TENT5C: variants seen among roughly 807,000 people sequenced by gnomAD.
The protein encoded by TENT5C is family with sequence similarity 46 member C.
TENT5C carries 5 observed loss-of-function variants against 22.2 expected under a neutral mutation model. The observed-to-expected ratio is 0.22, with a 90% confidence interval of 0.12 to 0.47. The LOEUF is 0.47. Among genes scored for constraint, TENT5C ranks in the 20% least tolerant of loss-of-function variants. The pLI is 0.99. For synonymous variants in TENT5C, 199 were observed against 195.4 expected (o/e 1.02, Z -0.15); for missense variants, 364 against 500.9 (o/e 0.73, Z 2.61).
At chr1:117,606,678 T>G (rs750387477) in intron 1 of TENT5C, among the ~76,000 whole-genome samples, 51 of 152,086 alleles carry the variant, frequency 3.4e-4, no homozygotes, top group Non-Finnish European at 5.3e-4. Context: ...GCGGTTTCAC[T>G]AGGCGCAGCT....
chr1:117,622,243 G>T (rs1439536538), intron 1 of TENT5C, among the ~76,000 whole-genome samples: 3 of 152,210 alleles, frequency 2.0e-5, no homozygotes, highest in Admixed American at 6.5e-5. Context: ...TAGTAGAAGG[G>T]GATGGATTCC....
Position 117,628,067 on chromosome 1 carries a change from AAACTC to A in TENT5C, c.*4027_*4031del, listed in dbSNP as rs569195195. ...TACAGATCTGTGGGTGTTTTTAAAA[AAACTC>A]AACCTATCTGGTGTTTTATTTTAAT... On this transcript the variant is annotated 3_prime_UTR_variant, in exon 2 of 2. Transcript: ENST00000369448. 3 of 248,026 alleles carry A rather than the reference AAACTC, an allele frequency of 1.2e-5. No homozygotes were observed. The highest frequency in any genetic ancestry group is 2.5e-5 in the Non-Finnish European group (3 of 118,134). 15.4% of individuals were successfully genotyped at this position (248,026 alleles called of 1,614,324 possible).
At chr1:117,611,556 T>C (rs1653671935) in intron 1 of TENT5C, among the ~76,000 whole-genome samples, 1 of 152,144 alleles carries the variant, frequency 6.6e-6, no homozygotes. Context: ...GTAGGTGAAA[T>C]TTGGCCAGGG....
At chr1:117,618,122 A>G (rs980313646) in intron 1 of TENT5C, among the ~76,000 whole-genome samples, 1 of 152,236 alleles carries the variant, frequency 6.6e-6, no homozygotes, top group Non-Finnish European at 1.5e-5. Context: ...GCTTTTATAC[A>G]GACTTTTTCC....
intron 1 of TENT5C, among the ~76,000 whole-genome samples, chr1:117,610,467 TCTGA>T (rs1213079101): frequency 1.3e-5 from 2 of 152,240 alleles, no homozygotes; most frequent in Non-Finnish European, 2.9e-5. Context: ...CCCACAGGCT[TCTGA>T]CTGACATTAT....
At chr1:117,611,479 T>C (rs1054853482) in intron 1 of TENT5C, among the ~76,000 whole-genome samples, 2 of 152,160 alleles carry the variant, frequency 1.3e-5, no homozygotes, top group Non-Finnish European at 2.9e-5. Flanking sequence ...ATAAATTAGA[T>C]CAGTGCTTTC....
Position 117,611,225 on chromosome 1 carries a change from A to G in TENT5C, c.-28+5072A>G, listed in dbSNP as rs1161029419. Among the ~76,000 whole-genome samples the G allele has an allele frequency of 2.6e-5, 4 of 152,364 alleles. No homozygotes were observed. In the East Asian group the frequency reaches 7.7e-4, roughly 29 times the overall value. On this transcript the variant is annotated intron_variant, in intron 1 of 1. Coordinates refer to ENST00000369448, the MANE Select transcript of TENT5C (RefSeq NM_017709.4). ...TAACTGCAGCACAGCAGTAGCAGAAAGAGGACTGATCCAGAAGCAGAGATG... is the reference window on the plus strand; with the variant it reads ...TAACTGCAGCACAGCAGTAGCAGAAGGAGGACTGATCCAGAAGCAGAGATG...
intron 1 of TENT5C, among the ~76,000 whole-genome samples, chr1:117,615,955 A>G (rs1200254530): frequency 6.6e-6 from 1 of 152,202 alleles, no homozygotes; most frequent in Admixed American, 6.5e-5. Flanking sequence ...GTTAGGACCA[A>G]TAACGTCTGT....
chr1:117,628,378 CATTT>C lies in TENT5C; in HGVS notation c.*4337_*4340del, dbSNP rs34914954. 63,181 of 229,894 alleles carry C rather than the reference CATTT, an allele frequency of 0.27. 9,128 individuals are homozygous for C. Among genetic ancestry groups the C allele is most frequent in the Non-Finnish European group, 0.31 (32,706 of 106,760 alleles). The allele number at this position is 229,894 out of a possible 1,614,324, so 14.2% of individuals were successfully genotyped here. On this transcript the variant is annotated 3_prime_UTR_variant, in exon 2 of 2. Transcript: ENST00000369448. ...TATTTAAAATTTAAATAAAACTTGT[CATTT>C]ATGCTCATTGATTTGTTTCTTCTCA...
chr1:117,628,124 A>C lies in TENT5C; in HGVS notation c.*4080A>C, dbSNP rs1482727241. On this transcript the variant is annotated 3_prime_UTR_variant, in exon 2 of 2. Transcript: ENST00000369448. ...GATAAAAATGTAATTTTTCTAAGGT[A>C]GCAACTTATTTCCAAATTAATATAG... The C allele has an allele frequency of 4.0e-6, 1 of 247,934 alleles. No homozygotes were observed. The highest frequency in any genetic ancestry group is 8.5e-6 in the Non-Finnish European group (1 of 118,070). 15.4% of individuals were successfully genotyped at this position (247,934 alleles called of 1,614,324 possible). A position where few individuals can be genotyped will look rare whatever the true frequency, so the allele number is the denominator to read the frequency against.
chr1:117,615,659 A>G (rs1653766349), intron 1 of TENT5C, among the ~76,000 whole-genome samples: 2 of 152,186 alleles, frequency 1.3e-5, no homozygotes, highest in Non-Finnish European at 2.9e-5. Flanking sequence ...AGAGAAAAGG[A>G]TGTGGGCAGA....
At chr1:117,612,871 A>C (rs1164709164) in intron 1 of TENT5C, among the ~76,000 whole-genome samples, 1 of 152,216 alleles carries the variant, frequency 6.6e-6, no homozygotes, top group African/African-American at 2.4e-5. Flanking sequence ...TAGCTGACTG[A>C]GGTCTTCCTT....
intron 1 of TENT5C, among the ~76,000 whole-genome samples, chr1:117,612,160 ATCTT>A (rs1653682279): frequency 1.3e-5 from 2 of 152,200 alleles, no homozygotes; most frequent in Non-Finnish European, 2.9e-5. Context: ...AGGGCCAGGG[ATCTT>A]TGTCTCTTTC....
chr1:117,626,399 C>T lies in TENT5C; in HGVS notation c.*2355C>T, dbSNP rs534356842. ...TGCCACCATTGCACCATGGTTGTCT[C>T]GGAGTCCCTTCACCTGACCTTTTTA... On this transcript the variant is annotated 3_prime_UTR_variant, in exon 2 of 2. Transcript: ENST00000369448. 5 of 247,900 alleles carry T rather than the reference C, an allele frequency of 2.0e-5. No homozygotes were observed. The highest frequency in any genetic ancestry group is 1.2e-4 in the East Asian group (2 of 16,572). 15.4% of individuals were successfully genotyped at this position (247,900 alleles called of 1,614,324 possible). A position where few individuals can be genotyped will look rare whatever the true frequency, so the allele number is the denominator to read the frequency against.
chr1:117,613,906 C>T (rs1002444300), intron 1 of TENT5C, among the ~76,000 whole-genome samples: 1 of 152,032 alleles, frequency 6.6e-6, no homozygotes, highest in Non-Finnish European at 1.5e-5. Flanking sequence ...GAATGTGTTG[C>T]GGGCATTTAA....
At chr1:117,616,035 C>T (rs533114133) in intron 1 of TENT5C, among the ~76,000 whole-genome samples, 1 of 152,320 alleles carries the variant, frequency 6.6e-6, no homozygotes, top group African/African-American at 2.4e-5. Context: ...GTGACATGTG[C>T]TTGTCACTCC....
In TENT5C at chr1:117,623,012, G is replaced by A; in HGVS notation, c.144G>A (p.Leu48=). ...ACTTTCCAACCTTGGAGATAACTCT[G>A]AAGGACATCGTCCAGACCGTCCGCA... is the stretch of plus-strand genomic sequence containing the variant. ...RGNFPTLEIT[L]KDIVQTVRSR... The change falls in exon 2 of 2, where the codon CTG becomes CTA. Residue 48 remains leucine (L), a synonymous_variant. Coordinates refer to ENST00000369448, the MANE Select transcript of TENT5C (RefSeq NM_017709.4). 1 of 1,614,210 alleles carries A rather than the reference G, an allele frequency of 6.2e-7. No individual in the cohort carries two copies. The highest frequency in any genetic ancestry group is 1.7e-5 in the Admixed American group (1 of 60,028).
In TENT5C at chr1:117,627,474, G is replaced by A. The variant is rs1319131440; in HGVS notation, c.*3430G>A. On this transcript the variant is annotated 3_prime_UTR_variant, in exon 2 of 2. Coordinates refer to ENST00000369448, the MANE Select transcript of TENT5C (RefSeq NM_017709.4). ...GGTACTGGTTGGTGCCTTGTATTGG[G>A]ATACAGCTATATTCTTAGCTCAAAT... The A allele has an allele frequency of 8.1e-6, 2 of 247,968 alleles. No homozygotes were observed. Among genetic ancestry groups the A allele is most frequent in the Non-Finnish European group, 1.7e-5 (2 of 118,108 alleles). 15.4% of individuals were successfully genotyped at this position (247,968 alleles called of 1,614,324 possible). A position where few individuals can be genotyped will look rare whatever the true frequency, so the allele number is the denominator to read the frequency against.
intron 1 of TENT5C, among the ~76,000 whole-genome samples, chr1:117,617,519 G>C (rs1415926248): frequency 6.6e-6 from 1 of 152,018 alleles, no homozygotes; most frequent in Non-Finnish European, 1.5e-5. Context: ...TCTCAAATCT[G>C]CAGGAACAAA....
Sources: gnomAD v4.1 joint callset for allele counts (sites outside exome capture counted in the v4.1 genomes callset) on GRCh38, gnomAD v4.1.1 for gene constraint, MANE v1.5 for transcripts, NCBI Gene and HGNC (gene_info 2026-07-23, HGNC 2026-07-21) for gene names.